ADAM22: variants seen among roughly 807,000 people sequenced by gnomAD.
ADAM22 encodes ADAM metallopeptidase domain 22.
In ADAM22, 65 loss-of-function variants were observed where a neutral mutation model predicts 144.6. The ratio of observed to expected loss-of-function variants is 0.45; its 90% CI spans 0.37 to 0.55. ADAM22 has a LOEUF of 0.55. ADAM22 is among the 20% of genes least tolerant of loss of function. The probability of loss-of-function intolerance (pLI) is 0.00; values close to 1 mark genes in which losing one functional copy is unlikely to be tolerated. For missense variants in ADAM22, 974 were observed against 1,184.9 expected, an observed-to-expected ratio of 0.82 and a Z score of 2.61; for synonymous variants, 391 against 412.6, an observed-to-expected ratio of 0.95 and a Z score of 0.63.
At position 88,039,464 on chromosome 7, in the gene ADAM22, A is replaced by AAATAT; in HGVS notation, c.324-36161_324-36160insATATA. Among the ~76,000 whole-genome samples, 190 of 76,390 alleles carry AAATAT rather than the reference A, an allele frequency of 2.5e-3. 6 individuals carry two copies. The highest frequency in any genetic ancestry group is 8.5e-3 in the African/African-American group (180 of 21,122). The allele number at this position is 76,390 out of a possible 152,430, so 50.1% of individuals were successfully genotyped here. On this transcript the variant is annotated intron_variant, in intron 3 of 31. Transcript: ENST00000413139. ...GATTCTGTCTCAAAAAAAAAAAAAAAATATATATATATATATATATACATT... is the reference window on the plus strand; with the variant it reads ...GATTCTGTCTCAAAAAAAAAAAAAAAAATATATATATATATATATATATATACATT...
chr7:87,934,779 A>G, intron 1 of ADAM22: 1 of 660,586 alleles, frequency 1.5e-6, no homozygotes. Flanking sequence ...CTCCTTCTGA[A>G]GAGGAATGGG....
At chr7:88,054,586 TCC>T (rs1807642253) in intron 3 of ADAM22, among the ~76,000 whole-genome samples, 3 of 83,176 alleles carry the variant, frequency 3.6e-5, no homozygotes, top group Admixed American at 3.4e-4. Context: ...TTAGGTGCCC[TCC>T]TGTGTGTGTG....
At chr7:87,943,926 CAAGTA>C (rs1175980611) in intron 2 of ADAM22, among the ~76,000 whole-genome samples, 1 of 151,120 alleles carries the variant, frequency 6.6e-6, no homozygotes, top group Non-Finnish European at 1.5e-5. Flanking sequence ...TTTTTTGTCT[CAAGTA>C]AAGATTGTTA....
At chr7:88,182,997 G>A (rs1422626599) in intron 29 of ADAM22, among the ~76,000 whole-genome samples, 2 of 152,044 alleles carry the variant, frequency 1.3e-5, no homozygotes, top group Non-Finnish European at 1.5e-5. Flanking sequence ...TAGCTTTTCC[G>A]TCATATACCC....
At chr7:88,132,378 C>T (rs1314910084) in intron 11 of ADAM22, 1 of 152,334 alleles carries the variant, frequency 6.6e-6, no homozygotes, top group African/African-American at 2.4e-5. Flanking sequence ...AGCTAATTTT[C>T]CCCATCCAAA....
rs1276208023 is a variant in ADAM22 at position 88,201,865 on chromosome 7, A to T, written c.*5374A>T. The T allele has an allele frequency of 6.6e-6, 1 of 152,214 alleles. No individual in the cohort carries two copies. Among genetic ancestry groups the T allele is most frequent in the Non-Finnish European group, 1.5e-5 (1 of 68,034 alleles). 9.4% of individuals were successfully genotyped at this position (152,214 alleles called of 1,614,324 possible). ...AGAAAAGGTATTTTCCTTTCTTGTA[A>T]AAAATGTTATATATATATAATATTC... On this transcript the variant is annotated 3_prime_UTR_variant, in exon 32 of 32. Transcript: ENST00000413139.
chr7:87,982,670 C>CATATATATATATAT (rs3086405), intron 3 of ADAM22, among the ~76,000 whole-genome samples: 450 of 38,054 alleles, frequency 0.012, 18 homozygotes, highest in East Asian at 0.037. Context: ...TCAGTTATTA[C>CATATATATATATAT]ATATATATAT....
intron 4 of ADAM22, among the ~76,000 whole-genome samples, chr7:88,084,604 T>A (rs1001993376): frequency 1.3e-5 from 2 of 152,206 alleles, no homozygotes; most frequent in African/African-American, 4.8e-5. Context: ...TGTGCTTAGC[T>A]CTTTGAGATG....
intron 3 of ADAM22, among the ~76,000 whole-genome samples, chr7:88,029,366 G>A (rs1277713231): frequency 6.6e-6 from 1 of 151,922 alleles, no homozygotes; most frequent in Non-Finnish European, 1.5e-5. Context: ...TATAAACTCT[G>A]CACTTTAATT....
At chr7:87,991,717 C>G (rs906845046) in intron 3 of ADAM22, among the ~76,000 whole-genome samples, 3 of 152,198 alleles carry the variant, frequency 2.0e-5, no homozygotes, top group African/African-American at 7.2e-5. Context: ...CAGTGACAAG[C>G]ATTTCAATTC....
At chr7:88,146,213 A>T (rs1464138081) in intron 17 of ADAM22, among the ~76,000 whole-genome samples, 1 of 152,204 alleles carries the variant, frequency 6.6e-6, no homozygotes, top group Non-Finnish European at 1.5e-5. Context: ...TTTACTCTGT[A>T]CATTTCATGG....
rs1205084511 is a variant in ADAM22 at position 88,198,067 on chromosome 7, C to T, written c.*1576C>T. 1 of 152,212 alleles carries T rather than the reference C, an allele frequency of 6.6e-6. No individual in the cohort carries two copies. The highest frequency in any genetic ancestry group is 1.5e-5 in the Non-Finnish European group (1 of 68,036). 9.4% of individuals were successfully genotyped at this position (152,212 alleles called of 1,614,324 possible). On this transcript the variant is annotated 3_prime_UTR_variant, in exon 32 of 32. Transcript: ENST00000413139. ...TTGATGGGCTCAATCACATGGTCTGCTCTGAAGTATACTTCTGATTTCCTC... is the reference window on the plus strand; with the variant it reads ...TTGATGGGCTCAATCACATGGTCTGTTCTGAAGTATACTTCTGATTTCCTC...
At chr7:88,076,187 G>T (rs1814435254) in intron 4 of ADAM22, among the ~76,000 whole-genome samples, 2 of 151,960 alleles carry the variant, frequency 1.3e-5, no homozygotes. Context: ...ACAGGCGCCT[G>T]CCACCACACC....
intron 3 of ADAM22, among the ~76,000 whole-genome samples, chr7:88,043,397 A>G (rs1321915729): frequency 6.6e-6 from 1 of 151,504 alleles, no homozygotes; most frequent in Non-Finnish European, 1.5e-5. Flanking sequence ...AGGCAGGAGA[A>G]TGGTGTAAAC....
intron 4 of ADAM22, among the ~76,000 whole-genome samples, chr7:88,082,223 A>C (rs1471131491): frequency 1.3e-5 from 2 of 152,212 alleles, no homozygotes; most frequent in African/African-American, 4.8e-5. Context: ...CCTGAGAAAA[A>C]CCAGCAATGG....
intron 13 of ADAM22, among the ~76,000 whole-genome samples, chr7:88,135,647 A>C (rs1301435378): frequency 2.0e-5 from 3 of 152,194 alleles, no homozygotes; most frequent in African/African-American, 7.2e-5. Context: ...TGTGAAACTG[A>C]GATCCTGTAA....
intron 3 of ADAM22, among the ~76,000 whole-genome samples, chr7:87,992,772 G>T (rs1467151443): frequency 6.6e-6 from 1 of 152,024 alleles, no homozygotes; most frequent in Admixed American, 6.6e-5. Context: ...TAAATCCAAA[G>T]GTTGTACAGC....
At chr7:88,133,539 G>C (rs1832310115) in intron 12 of ADAM22, among the ~76,000 whole-genome samples, 1 of 152,018 alleles carries the variant, frequency 6.6e-6, no homozygotes, top group African/African-American at 2.4e-5. Flanking sequence ...GCTACTTACA[G>C]ATTAAATTGA....
chr7:87,965,116 A>T (rs1197584098), intron 2 of ADAM22, among the ~76,000 whole-genome samples: 1 of 152,192 alleles, frequency 6.6e-6, no homozygotes, highest in Non-Finnish European at 1.5e-5. Context: ...ACAAAAAAAA[A>T]TGAAATATTT....
Sources: gnomAD v4.1 joint callset for allele counts (sites outside exome capture counted in the v4.1 genomes callset) on GRCh38, gnomAD v4.1.1 for gene constraint, MANE v1.5 for transcripts, NCBI Gene and HGNC (gene_info 2026-07-23, HGNC 2026-07-21) for gene names.